Variants in FXR1 observed in about 807,000 individuals in gnomAD.
FXR1 encodes the protein RNA-binding protein FXR1.
A neutral mutation model predicts 84.0 loss-of-function variants in FXR1; 15 were observed. That is an observed-to-expected ratio of 0.18 (90% CI 0.12 to 0.27). The LOEUF (loss-of-function observed/expected upper bound fraction) is 0.27, where lower values mean the gene tolerates loss of function less well. Among genes scored for constraint, FXR1 ranks in the 10% least tolerant of loss-of-function variants. The probability of loss-of-function intolerance (pLI) is 1.00; values close to 1 mark genes in which losing one functional copy is unlikely to be tolerated. For synonymous variants in FXR1, 245 were observed against 250.7 expected (o/e 0.98, Z 0.21); for missense variants, 480 against 774.4 (o/e 0.62, Z 4.51).
Position 180,948,472 on chromosome 3 carries a change from T to C in FXR1, c.396T>C (p.Asp132=). ...KKNTFFKCTV[D]VPEDLREACA... is the part of the protein sequence containing the mutation. ...ATACCTTCTTTAAATGCACAGTGGA[T>C]GTTCCTGAGGATTTGAGAGAGGCGT... Residue 132 remains aspartate, a synonymous_variant, in exon 5 of 17, where the codon GAT becomes GAC. Transcript: ENST00000357559. The C allele has an allele frequency of 6.2e-7, 1 of 1,608,228 alleles. No individual in the cohort carries two copies. Among genetic ancestry groups the C allele is most frequent in the Non-Finnish European group, 8.5e-7 (1 of 1,174,920 alleles).
chr3:180,941,661 G>A lies in FXR1; in HGVS notation c.199-6204G>A, dbSNP rs3026193. On this transcript the variant is annotated intron_variant, in intron 3 of 16. Transcript: ENST00000357559. ...TAGTCTTACTGCTTGGGAAACGCTC[G>A]CACATAAAGGAGAGACGAACATATT... 8.9e-3 allele frequency among the ~76,000 whole-genome samples: 1,359 copies of A among 152,180 alleles called. 10 individuals are homozygous for A. The highest frequency in any genetic ancestry group is 0.013 in the Non-Finnish European group (871 of 68,014).
intron 15 of FXR1, chr3:180,971,245 A>G: frequency 3.9e-5 from 14 of 356,626 alleles, no homozygotes; most frequent in Non-Finnish European, 6.9e-5. Flanking sequence ...ACTTACATGT[A>G]CACATGTGTG....
At chr3:180,918,686 A>G (rs546549566) in intron 1 of FXR1, among the ~76,000 whole-genome samples, 44 of 152,316 alleles carry the variant, frequency 2.9e-4, no homozygotes, top group African/African-American at 7.2e-4. Context: ...TTTCATATGC[A>G]GTATGAAGCA....
intron 2 of FXR1, 36 bp from the exon 3 acceptor site, chr3:180,935,102 T>C: frequency 1.0e-6 from 1 of 979,548 alleles, no homozygotes; most frequent in Non-Finnish European, 1.6e-6. Flanking sequence ...GACTATATAT[T>C]TTTAAGTTGT....
At chr3:180,969,035 A>G (rs1481844179) in intron 14 of FXR1, among the ~76,000 whole-genome samples, 1 of 152,216 alleles carries the variant, frequency 6.6e-6, no homozygotes, top group Non-Finnish European at 1.5e-5. Flanking sequence ...TTTTAATATT[A>G]TAGAAAGTGT....
At position 180,981,196 on chromosome 3, in the gene FXR1, A is replaced by G. The variant is rs1577020385; in HGVS notation, c.*4904A>G. 6.6e-6 allele frequency: 1 copy of G among 151,924 alleles called. No individual in the cohort carries two copies. 9.4% of individuals were successfully genotyped at this position (151,924 alleles called of 1,614,324 possible). On this transcript the variant is annotated 3_prime_UTR_variant, in exon 17 of 17. Transcript: ENST00000357559. Reference sequence around the variant, plus strand: ...ACCTAAAACCCCTCTAACCCTTTAAATGAAGCATTATGCCTGCGTGAAATT... The same window carrying G: ...ACCTAAAACCCCTCTAACCCTTTAAGTGAAGCATTATGCCTGCGTGAAATT...
intron 9 of FXR1, among the ~76,000 whole-genome samples, chr3:180,954,987 A>ATTTT (rs35677270): frequency 7.5e-6 from 1 of 132,708 alleles, no homozygotes; most frequent in Non-Finnish European, 1.6e-5. Flanking sequence ...GTAAAAATAA[A>ATTTT]TTTTTTTTTT....
intron 2 of FXR1, among the ~76,000 whole-genome samples, chr3:180,934,411 G>GT (rs1720296034): frequency 6.6e-6 from 1 of 152,126 alleles, no homozygotes; most frequent in African/African-American, 2.4e-5. Flanking sequence ...AGAAATTAGA[G>GT]TAGGGAATAA....
At chr3:180,954,766 C>T (rs905636454) in intron 9 of FXR1, among the ~76,000 whole-genome samples, 15 of 151,576 alleles carry the variant, frequency 9.9e-5, no homozygotes, top group African/African-American at 3.4e-4. Flanking sequence ...TTATATAATG[C>T]GGCCTGTTCT....
intron 1 of FXR1, among the ~76,000 whole-genome samples, chr3:180,930,805 C>T (rs1719795478): frequency 6.6e-6 from 1 of 151,888 alleles, no homozygotes; most frequent in Non-Finnish European, 1.5e-5. Flanking sequence ...GAGGCTGAGG[C>T]GAGTGGATCA....
intron 9 of FXR1, 141 bp downstream of exon 9, chr3:180,953,981 C>CT (rs1281674172): frequency 9.0e-6 from 5 of 556,586 alleles, no homozygotes; most frequent in East Asian, 3.0e-5. Context: ...TACTTCTTTT[C>CT]TTTTTTTGGT....
chr3:180,923,537 A>T lies in FXR1; in HGVS notation c.52-9797A>T, dbSNP rs1271947221. ...TTTTTTTTTCCTTGCCCTGATAAGG[A>T]GCCCTTTATATAATCTGTTAACTAT... On this transcript the variant is annotated intron_variant, in intron 1 of 16. Transcript: ENST00000357559. Among the ~76,000 whole-genome samples, 6 of 151,630 alleles carry T rather than the reference A, an allele frequency of 4.0e-5. No individual in the cohort carries two copies. The East Asian group carries it at 9.7e-4, about 25-fold the overall frequency.
chr3:180,939,695 G>T (rs1169787623), intron 3 of FXR1, among the ~76,000 whole-genome samples: 1 of 152,160 alleles, frequency 6.6e-6, no homozygotes, highest in Non-Finnish European at 1.5e-5. Context: ...TCCAAGGTTA[G>T]TCTGGAGGTT....
chr3:180,942,177 G>C lies in FXR1; in HGVS notation c.199-5688G>C, dbSNP rs372285672. 2.0e-5 allele frequency among the ~76,000 whole-genome samples: 3 copies of C among 151,902 alleles called. No homozygotes were observed. In the East Asian group the frequency reaches 5.8e-4, roughly 29 times the overall value. On this transcript the variant is annotated intron_variant, in intron 3 of 16. Transcript: ENST00000357559. ...GCAGATCATGAGGTCAGGAGATTGA[G>C]ACCATCCTGGCTAACACGGTGAAAC...
intron 1 of FXR1, chr3:180,927,748 T>C (rs1719401435): frequency 2.3e-6 from 1 of 438,656 alleles, no homozygotes; most frequent in Non-Finnish European, 4.0e-6. Flanking sequence ...CAGAACAAAT[T>C]GTAGCAAATG....
In FXR1 at chr3:180,935,187, C is replaced by T. The variant is rs1720379430; in HGVS notation, c.154C>T (p.Pro52Ser). The change falls in exon 3 of 17, where the codon CCA becomes TCA. Residue 52 changes from proline to serine, a missense_variant. This residue lies in a region of FXR1 where 54 missense variants were observed against 74.2 expected (regional missense o/e 0.73). Coordinates refer to ENST00000357559, the MANE Select transcript of FXR1 (RefSeq NM_005087.4). ...ATTTAATGAAGTTAGATTACCACCA[C>T]CACCTGATATAAAAAAAGAAATTAG... The part of the protein sequence containing the change: ...VPFNEVRLPP[P>S]PDIKKEISEG... The T allele has an allele frequency of 5.7e-6, 9 of 1,579,946 alleles. No individual in the cohort carries two copies. The highest frequency in any genetic ancestry group is 7.8e-6 in the Non-Finnish European group (9 of 1,149,340).
At chr3:180,944,837 G>T (rs1242904464) in intron 3 of FXR1, among the ~76,000 whole-genome samples, 10 of 152,306 alleles carry the variant, frequency 6.6e-5, no homozygotes, top group African/African-American at 1.9e-4. Context: ...TGTCCAGGCT[G>T]GTCTCGAACT....
At chr3:180,948,636 A>G (rs1166666823) in intron 5 of FXR1, 85 bp from the exon 6 acceptor site, 1 of 967,270 alleles carries the variant, frequency 1.0e-6, no homozygotes, top group Admixed American at 2.0e-5. Flanking sequence ...GGGCTTGTCA[A>G]AATGAAACAC....
chr3:180,928,828 T>G (rs1192244354), intron 1 of FXR1, among the ~76,000 whole-genome samples: 1 of 152,240 alleles, frequency 6.6e-6, no homozygotes, highest in Non-Finnish European at 1.5e-5. Context: ...AGATTGCTTT[T>G]GAAATTAGTT....
Sources: allele counts gnomAD v4.1 joint callset (sites outside exome capture counted in the v4.1 genomes callset), GRCh38; gene constraint gnomAD v4.1.1; regional missense constraint gnomAD v4.1.1; transcripts MANE v1.5; gene names NCBI Gene and HGNC (gene_info 2026-07-23, HGNC 2026-07-21).